Variants in IL1RAPL1 observed in about 807,000 individuals in gnomAD.
IL1RAPL1 encodes the protein interleukin 1 receptor accessory protein like 1.
In IL1RAPL1, 3 loss-of-function variants were observed where a neutral mutation model predicts 48.4. The observed-to-expected ratio is 0.06, with a 90% CI of 0.03 to 0.16. The LOEUF (loss-of-function observed/expected upper bound fraction) is 0.16, where lower values mean the gene tolerates loss of function less well. Among genes scored for constraint, IL1RAPL1 ranks in the 10% least tolerant of loss-of-function variants. The probability of loss-of-function intolerance (pLI) is 1.00; values close to 1 mark genes in which losing one functional copy is unlikely to be tolerated. For synonymous variants in IL1RAPL1, 185 were observed against 187.7 expected, an observed-to-expected ratio of 0.99 and a Z score of 0.12; for missense variants, 349 against 530.6, an observed-to-expected ratio of 0.66 and a Z score of 3.36.
rs1932224794 is a variant in IL1RAPL1 at position 29,282,908 on chromosome X, T to C, written c.83-30T>C. 6 of 1,204,471 alleles carry C rather than the reference T, an allele frequency of 5.0e-6. No homozygotes were observed. In the East Asian group the frequency reaches 1.8e-4, roughly 36 times the overall value. On this transcript the variant is annotated intron_variant, in intron 2 of 10. Coordinates refer to ENST00000378993, the MANE Select transcript of IL1RAPL1 (RefSeq NM_014271.4). ...TTTTTTTTGCCTCTAATGTTTTTCC[T>C]CTCTTTCTCTGTCTCTTTTTTTACG...
chrX:29,749,014 T>C (rs182557319), intron 6 of IL1RAPL1, among the ~76,000 whole-genome samples: 2 of 112,522 alleles, frequency 1.8e-5, no homozygotes, highest in Non-Finnish European at 3.8e-5. Flanking sequence ...AAAGGACATA[T>C]AGTGAGCAAA....
intron 2 of IL1RAPL1, among the ~76,000 whole-genome samples, chrX:29,157,993 A>G (rs1203622488): frequency 9.0e-6 from 1 of 111,682 alleles, no homozygotes; most frequent in African/African-American, 3.3e-5. Context: ...TTAGAGTCCC[A>G]TGTAGTAGAA....
At chrX:29,431,934 G>A (rs1348485423) in intron 5 of IL1RAPL1, among the ~76,000 whole-genome samples, 1 of 111,362 alleles carries the variant, frequency 9.0e-6, no homozygotes, top group African/African-American at 3.3e-5. Context: ...AGTATCCTAT[G>A]TTACTCTTTA....
intron 6 of IL1RAPL1, among the ~76,000 whole-genome samples, chrX:29,707,699 A>G (rs1363804799): frequency 8.9e-6 from 1 of 111,886 alleles, no homozygotes; most frequent in Non-Finnish European, 1.9e-5. Context: ...AAAACCATAC[A>G]TCCTATGTTC....
chrX:29,240,207 T>C (rs1222127232), intron 2 of IL1RAPL1, among the ~76,000 whole-genome samples: 591 of 52,174 alleles, frequency 0.011, 32 homozygotes, highest in East Asian at 0.052. Context: ...TATATATATA[T>C]ATATATATAT....
chrX:29,624,253 A>G (rs923736728), intron 5 of IL1RAPL1, among the ~76,000 whole-genome samples: 4 of 111,361 alleles, frequency 3.6e-5, no homozygotes, highest in African/African-American at 1.3e-4. Flanking sequence ...TAGCATCCAT[A>G]TTTTTTTGAC....
intron 1 of IL1RAPL1, among the ~76,000 whole-genome samples, chrX:28,698,762 C>G (rs1935263104): frequency 9.0e-6 from 1 of 111,299 alleles, no homozygotes; most frequent in African/African-American, 3.3e-5. Flanking sequence ...AAACAACATA[C>G]AAAAATAAGT....
At chrX:28,800,360 T>C (rs1179174963) in intron 2 of IL1RAPL1, among the ~76,000 whole-genome samples, 1 of 112,193 alleles carries the variant, frequency 8.9e-6, no homozygotes, top group Non-Finnish European at 1.9e-5. Flanking sequence ...GGACATATCT[T>C]TTGGGGGACC....
chrX:28,863,348 T>A (rs1415960363), intron 2 of IL1RAPL1, among the ~76,000 whole-genome samples: 2 of 107,947 alleles, frequency 1.9e-5, no homozygotes, highest in African/African-American at 6.8e-5. Flanking sequence ...AAAAAAAAAA[T>A]GAGTGTGGTT....
At chrX:29,185,361 A>G (rs1339886459) in intron 2 of IL1RAPL1, among the ~76,000 whole-genome samples, 1 of 111,519 alleles carries the variant, frequency 9.0e-6, no homozygotes, top group African/African-American at 3.3e-5. Context: ...TCCTAACCTG[A>G]CTTTATATTG....
At chrX:29,915,550 C>T (rs1188028185) in intron 6 of IL1RAPL1, among the ~76,000 whole-genome samples, 1 of 110,592 alleles carries the variant, frequency 9.0e-6, no homozygotes, top group African/African-American at 3.3e-5. Flanking sequence ...CATGTAAGTG[C>T]ATTCTGCTTT....
At chrX:28,673,585 G>A (rs920768887) in intron 1 of IL1RAPL1, among the ~76,000 whole-genome samples, 3 of 111,838 alleles carry the variant, frequency 2.7e-5, no homozygotes, top group East Asian at 2.8e-4. Context: ...AGTTTGAAGG[G>A]CATTTCCCTG....
chrX:29,076,763 A>C (rs1927679867), intron 2 of IL1RAPL1, among the ~76,000 whole-genome samples: 1 of 103,206 alleles, frequency 9.7e-6, no homozygotes, highest in Non-Finnish European at 2.0e-5. Flanking sequence ...CTCATGAAAT[A>C]AGACAGATCT....
intron 6 of IL1RAPL1, among the ~76,000 whole-genome samples, chrX:29,792,392 A>G (rs1208077588): frequency 9.0e-6 from 1 of 111,364 alleles, no homozygotes; most frequent in African/African-American, 3.3e-5. Flanking sequence ...TTTTCTCACA[A>G]TTATGGTGGT....
rs12353648 is a variant in IL1RAPL1, at chrX:28,623,247, C to T, written c.-25+35200C>T. ...CTCAGGTGAGACTCTCTGAGAGAGCCGTTATACTGTCTGTGCATCCTTCGT... is the reference window on the plus strand; with the variant it reads ...CTCAGGTGAGACTCTCTGAGAGAGCTGTTATACTGTCTGTGCATCCTTCGT... On this transcript the variant is annotated intron_variant, in intron 1 of 10. Transcript: ENST00000378993. 5.4e-3 allele frequency among the ~76,000 whole-genome samples: 597 copies of T among 111,164 alleles called. 4 individuals are homozygous for T. The highest frequency in any genetic ancestry group is 0.016 in the African/African-American group (491 of 30,590).
chrX:28,861,410 C>G (rs1250334184), intron 2 of IL1RAPL1, among the ~76,000 whole-genome samples: 2 of 111,804 alleles, frequency 1.8e-5, no homozygotes, highest in Non-Finnish European at 3.8e-5. Flanking sequence ...ACGCAACACA[C>G]AAAAAGAGGG....
intron 5 of IL1RAPL1, among the ~76,000 whole-genome samples, chrX:29,399,692 G>A (rs374692234): frequency 1.8e-5 from 2 of 110,434 alleles, no homozygotes; most frequent in Admixed American, 9.7e-5. Context: ...GGTGGTGGGC[G>A]CCTGTAATCC....
intron 6 of IL1RAPL1, among the ~76,000 whole-genome samples, chrX:29,913,470 AT>A (rs779976823): frequency 6.3e-5 from 7 of 110,401 alleles, no homozygotes; most frequent in Non-Finnish European, 1.1e-4. Flanking sequence ...AGAGAGAAAA[AT>A]ATATATATTT....
intron 1 of IL1RAPL1, among the ~76,000 whole-genome samples, chrX:28,601,809 TAAAAA>T (rs755489850): frequency 1.9e-5 from 2 of 105,489 alleles, no homozygotes; most frequent in Non-Finnish European, 2.0e-5. Context: ...ATAATAATAA[TAAAAA>T]AAAAAGTTGG....
Sources: allele counts gnomAD v4.1 joint callset (sites outside exome capture counted in the v4.1 genomes callset), GRCh38; gene constraint gnomAD v4.1.1; transcripts MANE v1.5; gene names NCBI Gene and HGNC (gene_info 2026-07-23, HGNC 2026-07-21).